The following ACOT9 variants were observed in gnomAD, a reference collection of about 807,000 sequenced individuals.
The protein encoded by ACOT9 is acyl-coenzyme A thioesterase 9, mitochondrial.
A neutral mutation model predicts 39.7 loss-of-function variants in ACOT9; 34 were observed. That is an observed-to-expected ratio of 0.86 (90% CI 0.65 to 1.14). ACOT9 has a LOEUF of 1.14. ACOT9 is among the 50% of genes most tolerant of loss of function. ACOT9 has a pLI of 0.00. For synonymous variants in ACOT9, 110 were observed against 120.5 expected (o/e 0.91, Z 0.57); for missense variants, 313 against 344.1 (o/e 0.91, Z 0.71).
intron 1 of ACOT9, among the ~76,000 whole-genome samples, chrX:23,742,454 G>C (rs762806185): frequency 9.0e-6 from 1 of 110,765 alleles, no homozygotes; most frequent in Non-Finnish European, 1.9e-5. Context: ...AGCTAGACAC[G>C]CTCTGGAGTC....
At chrX:23,724,942 G>A (rs1929456056) in intron 6 of ACOT9, among the ~76,000 whole-genome samples, 1 of 110,613 alleles carries the variant, frequency 9.0e-6, no homozygotes, top group Non-Finnish European at 1.9e-5. Context: ...CTCTAAAAAA[G>A]AAAAATAAAT....
chrX:23,720,005 T>TG (rs1438307272), intron 8 of ACOT9, among the ~76,000 whole-genome samples: 2 of 102,598 alleles, frequency 1.9e-5, no homozygotes, highest in Non-Finnish European at 4.2e-5. Context: ...CGGCTAATTT[T>TG]TTTATTTTTA....
intron 6 of ACOT9, among the ~76,000 whole-genome samples, chrX:23,730,166 C>G: frequency 9.8e-6 from 1 of 101,804 alleles, no homozygotes; most frequent in East Asian, 3.1e-4. Context: ...ACGATCTCAG[C>G]TCACCGCAAC....
At chrX:23,740,386 C>G (rs771125694) in intron 1 of ACOT9, among the ~76,000 whole-genome samples, 1 of 110,779 alleles carries the variant, frequency 9.0e-6, no homozygotes, top group Non-Finnish European at 1.9e-5. Flanking sequence ...GGATTATAGG[C>G]GTGAGCCACC....
At chrX:23,731,014 A>C (rs200423610) in intron 4 of ACOT9, 28 bp from the exon 5 acceptor site, 5 of 1,179,237 alleles carry the variant, frequency 4.2e-6, no homozygotes, top group Non-Finnish European at 5.7e-6. Context: ...AGGATTCATA[A>C]AACAAGAGCA....
At chrX:23,742,032 C>T (rs1027250421) in intron 1 of ACOT9, among the ~76,000 whole-genome samples, 29 of 110,932 alleles carry the variant, frequency 2.6e-4, no homozygotes, top group African/African-American at 7.2e-4. Flanking sequence ...CTGAACAAGA[C>T]CATGGAGCTT....
chrX:23,725,851 A>G (rs1929501778), intron 6 of ACOT9, among the ~76,000 whole-genome samples: 1 of 110,592 alleles, frequency 9.0e-6, no homozygotes, highest in Non-Finnish European at 1.9e-5. Context: ...AGATTTAACA[A>G]TTTTATTGTT....
rs1046754239 is a variant in ACOT9 at position 23,702,805 on chromosome X, T to C, written c.*1089A>G. ...AAGGGGGGTTACAGAACCTGCCTCA[T>C]AGTGTTGATTGGAAGAAATAAAGGA... On this transcript the variant is annotated 3_prime_UTR_variant, in exon 16 of 16. Transcript: ENST00000379303. The C allele has an allele frequency of 4.5e-5, 5 of 111,659 alleles. No homozygotes were observed. Among genetic ancestry groups the C allele is most frequent in the African/African-American group, 1.6e-4 (5 of 30,747 alleles). 9.2% of individuals were successfully genotyped at this position (111,659 alleles called of 1,213,427 possible). A position where few individuals can be genotyped will look rare whatever the true frequency, so the allele number is the denominator to read the frequency against.
intron 9 of ACOT9, among the ~76,000 whole-genome samples, chrX:23,709,635 C>T (rs982313538): frequency 5.4e-5 from 6 of 111,281 alleles, no homozygotes; most frequent in African/African-American, 2.0e-4. Flanking sequence ...CAGCTTTCCA[C>T]GCAGCAGCAA....
At chrX:23,721,266 T>A (rs1455707378) in intron 8 of ACOT9, among the ~76,000 whole-genome samples, 1 of 109,908 alleles carries the variant, frequency 9.1e-6, no homozygotes, top group Non-Finnish European at 1.9e-5. Context: ...AATTTTTGTA[T>A]TTTTTAAATA....
In ACOT9 at chrX:23,735,849, T is replaced by TATACCTTTCAAATAAAA; in HGVS notation, c.118+53_118+69dup. 4 of 972,858 alleles carry TATACCTTTCAAATAAAA rather than the reference T, an allele frequency of 4.1e-6. No individual in the cohort carries two copies. The South Asian group carries it at 8.2e-5, about 20-fold the overall frequency. The allele number at this position is 972,858 out of a possible 1,213,427, so 80.2% of individuals were successfully genotyped here. ...TCATTTGCTCTAAACTATCACTCTA[T>TATACCTTTCAAATAAAA]ATACCTTTCAAATAAAAGTAAAACA... On this transcript the variant is annotated intron_variant, in intron 2 of 15. Coordinates refer to ENST00000379303, the MANE Select transcript of ACOT9 (RefSeq NM_001037171.2).
chrX:23,735,024 G>A (rs758932374), intron 2 of ACOT9, among the ~76,000 whole-genome samples: 2 of 91,423 alleles, frequency 2.2e-5, no homozygotes, highest in South Asian at 1.2e-3. Flanking sequence ...TGTAATCCCA[G>A]CACTTTGGGA....
chrX:23,727,696 T>A (rs1049970882), intron 6 of ACOT9, among the ~76,000 whole-genome samples: 2 of 109,413 alleles, frequency 1.8e-5, no homozygotes, highest in Admixed American at 9.8e-5. Context: ...AACAAGCTTG[T>A]ATCTATATTT....
At chrX:23,732,747 C>T (rs187198187) in intron 4 of ACOT9, among the ~76,000 whole-genome samples, 12 of 111,029 alleles carry the variant, frequency 1.1e-4, no homozygotes, top group African/African-American at 3.9e-4. Context: ...TAATTTTGAA[C>T]TGACAAGAAG....
Position 23,703,190 on chromosome X carries a change from TG to T in ACOT9, c.*703del, listed in dbSNP as rs1928538423. ...AAGCAAAGGAATCATGTACGGCTGA[TG>T]GGATTTAGACAGCACAGAGCAAGTG... On this transcript the variant is annotated 3_prime_UTR_variant, in exon 16 of 16. Coordinates refer to ENST00000379303, the MANE Select transcript of ACOT9 (RefSeq NM_001037171.2). 8.9e-6 allele frequency: 1 copy of T among 111,954 alleles called. No homozygotes were observed. Among genetic ancestry groups the T allele is most frequent in the Non-Finnish European group, 1.9e-5 (1 of 53,246 alleles). The allele number at this position is 111,954 out of a possible 1,213,427, so 9.2% of individuals were successfully genotyped here. A position where few individuals can be genotyped will look rare whatever the true frequency, so the allele number is the denominator to read the frequency against.
In ACOT9 at chrX:23,718,905, CAAAAAAAAAAA is replaced by C. The variant is rs35558833; in HGVS notation, c.588+2965_588+2975del. ...TGGGTGACAGAGCAAGACTCCGTCT[CAAAAAAAAAAA>C]AAAAAAAAAAAAGACTGTAGGCAGA... On this transcript the variant is annotated intron_variant, in intron 8 of 15. Transcript: ENST00000379303. Among the ~76,000 whole-genome samples, 327 of 37,863 alleles carry C rather than the reference CAAAAAAAAAAA, an allele frequency of 8.6e-3. 8 individuals carry two copies. The Admixed American group carries it at 0.11, about 12-fold the overall frequency. 32.9% of individuals were successfully genotyped at this position (37,863 alleles called of 115,157 possible).
At chrX:23,705,115 G>A in intron 13 of ACOT9, 35 bp from the exon 14 acceptor site, 1 of 1,107,717 alleles carries the variant, frequency 9.0e-7, no homozygotes, top group Non-Finnish European at 1.2e-6. Context: ...GGGGTATATT[G>A]CAAAATTCAG....
chrX:23,717,330 G>T (rs1929117884), intron 8 of ACOT9, among the ~76,000 whole-genome samples: 1 of 111,213 alleles, frequency 9.0e-6, no homozygotes, highest in Admixed American at 9.7e-5. Flanking sequence ...GATAATGAAT[G>T]GTCACTGAAG....
intron 12 of ACOT9, 31 bp from the exon 13 acceptor site, chrX:23,705,625 C>G: frequency 8.5e-7 from 1 of 1,176,771 alleles, no homozygotes; most frequent in Non-Finnish European, 1.2e-6. Flanking sequence ...TCAATAAATA[C>G]AAAACTTATG....
Sources: gnomAD v4.1 joint callset for allele counts (sites outside exome capture counted in the v4.1 genomes callset) on GRCh38, gnomAD v4.1.1 for gene constraint, MANE v1.5 for transcripts, NCBI Gene and HGNC (gene_info 2026-07-23, HGNC 2026-07-21) for gene names.